The following VPS13D variants were observed in gnomAD, a reference collection of about 807,000 sequenced individuals.
VPS13D encodes the protein vacuolar protein sorting 13 homolog D, also known as intermembrane lipid transfer protein VPS13D.
A neutral mutation model predicts 461.9 loss-of-function variants in VPS13D; 187 were observed. The observed-to-expected ratio is 0.40, with a 90% CI of 0.36 to 0.46. The LOEUF (loss-of-function observed/expected upper bound fraction) is 0.46. Among genes scored for constraint, VPS13D ranks in the 20% least tolerant of loss-of-function variants. VPS13D has a pLI of 0.60. For missense variants in VPS13D, 4,711 were observed against 5,364.9 expected (o/e 0.88, Z 3.81); for synonymous variants, 1,951 against 1,986.3 (o/e 0.98, Z 0.47).
intron 25 of VPS13D, among the ~76,000 whole-genome samples, chr1:12,303,024 A>G (rs1200385555): frequency 6.6e-6 from 1 of 152,200 alleles, no homozygotes; most frequent in Non-Finnish European, 1.5e-5. Flanking sequence ...TCACCTCCCC[A>G]TGCATACAGT....
Position 12,363,250 on chromosome 1 carries a change from A to G in VPS13D, c.10448+3A>G. 2 of 1,614,036 alleles carry G rather than the reference A, an allele frequency of 1.2e-6. No homozygotes were observed. The highest frequency in any genetic ancestry group is 1.7e-6 in the Non-Finnish European group (2 of 1,179,942). On this transcript the variant is annotated splice_donor_region_variant and intron_variant, in intron 52 of 69. Transcript: ENST00000620676. Reference sequence around the variant, plus strand: ...AATTCCTTCCATATCAACATGAGGTAAGTTTGAGACTCTAAATATAGACAA... The same window carrying G: ...AATTCCTTCCATATCAACATGAGGTGAGTTTGAGACTCTAAATATAGACAA...
In VPS13D at chr1:12,506,794, C is replaced by A; in HGVS notation, c.12795-59C>A. 2.5e-6 allele frequency: 4 copies of A among 1,581,450 alleles called. No individual in the cohort carries two copies. In the Admixed American group the frequency reaches 6.9e-5, roughly 27 times the overall value. ...GGGCCACAGAGCCCGCAGTGGGCCTCCCCCTGATGCTGGGCGAAGCCCCAG... is the reference window on the plus strand; with the variant it reads ...GGGCCACAGAGCCCGCAGTGGGCCTACCCCTGATGCTGGGCGAAGCCCCAG... On this transcript the variant is annotated intron_variant, in intron 68 of 69. Coordinates refer to ENST00000620676, the MANE Select transcript of VPS13D (RefSeq NM_015378.4).
intron 67 of VPS13D, among the ~76,000 whole-genome samples, chr1:12,486,590 C>A (rs973420214): frequency 6.6e-6 from 1 of 152,210 alleles, no homozygotes. Flanking sequence ...GGCAGCTCTC[C>A]AGTTGCCCTC....
rs779600382 is a variant in VPS13D at position 12,400,176 on chromosome 1, C to T, written c.11635-5C>T. The T allele has an allele frequency of 2.0e-5, 32 of 1,613,322 alleles. No homozygotes were observed. Among genetic ancestry groups the T allele is most frequent in the Non-Finnish European group, 2.5e-5 (30 of 1,179,830 alleles). On this transcript the variant is annotated splice_region_variant and splice_polypyrimidine_tract_variant and intron_variant, in intron 60 of 69. Transcript: ENST00000620676. ...TTTTGCTTTGCTACCTTTCCATGGC[C>T]GTAGGTGGACAATCAGCTCATTGGT...
chr1:12,245,355 T>G (rs1364029380), intron 5 of VPS13D, among the ~76,000 whole-genome samples: 2 of 152,228 alleles, frequency 1.3e-5, no homozygotes, highest in Non-Finnish European at 2.9e-5. Context: ...GGTTTTTGAT[T>G]TCGTAACTTT....
At chr1:12,464,724 G>C (rs1343672496) in intron 67 of VPS13D, among the ~76,000 whole-genome samples, 2 of 152,188 alleles carry the variant, frequency 1.3e-5, no homozygotes, top group African/African-American at 4.8e-5. Flanking sequence ...GGTGGGGAGA[G>C]AAGAGGGCGG....
At position 12,386,070 on chromosome 1, in the gene VPS13D, TC is replaced by T. The variant is rs1326685642; in HGVS notation, c.11485-114del. On this transcript the variant is annotated intron_variant, in intron 59 of 69. Coordinates refer to ENST00000620676, the MANE Select transcript of VPS13D (RefSeq NM_015378.4). Reference sequence around the variant, plus strand: ...ATAGGACTCCCCTAAGTGGTTTTCATCTGCTGAGAGATCGGGAGTAGAGGAA... The same window carrying T: ...ATAGGACTCCCCTAAGTGGTTTTCATTGCTGAGAGATCGGGAGTAGAGGAA... 4.7e-6 allele frequency: 6 copies of T among 1,272,002 alleles called. No individual in the cohort carries two copies. The African/African-American group carries it at 7.7e-5, about 16-fold the overall frequency. 78.8% of individuals were successfully genotyped at this position (1,272,002 alleles called of 1,614,324 possible).
At chr1:12,289,545 C>A (rs1642064755) in intron 22 of VPS13D, among the ~76,000 whole-genome samples, 2 of 149,818 alleles carry the variant, frequency 1.3e-5, no homozygotes, top group Non-Finnish European at 1.5e-5. Flanking sequence ...TTTAGAAAAG[C>A]TTCTTAGAGG....
intron 65 of VPS13D, among the ~76,000 whole-genome samples, chr1:12,430,738 G>A (rs1343996319): frequency 1.3e-5 from 2 of 152,216 alleles, no homozygotes; most frequent in African/African-American, 4.8e-5. Context: ...GCTTCCAAGA[G>A]GGCCTTGCTT....
At chr1:12,290,856 G>T in intron 22 of VPS13D, 142 bp from the exon 23 acceptor site, 1 of 660,934 alleles carries the variant, frequency 1.5e-6, no homozygotes, top group Non-Finnish European at 2.3e-6. Flanking sequence ...GGGGTATATT[G>T]GAATATGAAA....
chr1:12,231,974 G>A (rs1287438811), intron 1 of VPS13D, among the ~76,000 whole-genome samples: 1 of 152,154 alleles, frequency 6.6e-6, no homozygotes, highest in African/African-American at 2.4e-5. Flanking sequence ...CAGCCTGGGC[G>A]AGGGAGCAAC....
At chr1:12,470,421 C>G (rs1385922064) in intron 67 of VPS13D, among the ~76,000 whole-genome samples, 2 of 152,214 alleles carry the variant, frequency 1.3e-5, no homozygotes, top group Non-Finnish European at 2.9e-5. Context: ...AAGTGCTTTT[C>G]TATCCTTTAG....
chr1:12,352,965 C>CAAAAAAA (rs61588046), intron 46 of VPS13D, among the ~76,000 whole-genome samples: 297 of 17,596 alleles, frequency 0.017, 71 homozygotes, highest in Non-Finnish European at 0.02. Context: ...AACTCAGTCT[C>CAAAAAAA]AAAAAAAAAA....
At chr1:12,380,125 T>C (rs1426248988) in intron 57 of VPS13D, among the ~76,000 whole-genome samples, 2 of 152,218 alleles carry the variant, frequency 1.3e-5, no homozygotes. Context: ...GCAATACATG[T>C]GTTAAGAGTG....
intron 67 of VPS13D, among the ~76,000 whole-genome samples, chr1:12,466,475 CTG>C (rs1645484417): frequency 6.6e-6 from 1 of 152,174 alleles, no homozygotes; most frequent in Non-Finnish European, 1.5e-5. Context: ...TTCCTTAAAA[CTG>C]TAAATGGGTT....
chr1:12,498,010 C>T (rs1007287507), intron 68 of VPS13D, among the ~76,000 whole-genome samples: 1 of 152,110 alleles, frequency 6.6e-6, no homozygotes. Context: ...CAAAACAAAA[C>T]AGAAAAACAA....
At chr1:12,331,423 A>G (rs1482047947) in intron 37 of VPS13D, among the ~76,000 whole-genome samples, 1 of 151,992 alleles carries the variant, frequency 6.6e-6, no homozygotes, top group Non-Finnish European at 1.5e-5. Context: ...TTATTTCTTC[A>G]TTGTTCAAAA....
chr1:12,262,030 A>G lies in VPS13D; in HGVS notation c.1544A>G (p.Gln515Arg), dbSNP rs1641124755. ...RGTVTLLHKEQGTPQMNESAF... is the reference protein window; with the variant it reads ...RGTVTLLHKERGTPQMNESAF... ...ACAGTGACTCTGTTACACAAGGAGC[A>G]AGGAACTCCTCAAATGAATGAAAGT... The change falls in exon 13 of 70, where the codon CAA (glutamine) becomes CGA (arginine). Residue 515 changes from glutamine (Q) to arginine (R), a missense_variant. Gln to Arg is a conservative substitution (Grantham distance 43). Coordinates refer to ENST00000620676, the MANE Select transcript of VPS13D (RefSeq NM_015378.4). 6.2e-7 allele frequency: 1 copy of G among 1,614,072 alleles called. No homozygotes were observed. The highest frequency in any genetic ancestry group is 8.5e-7 in the Non-Finnish European group (1 of 1,179,978).
intron 68 of VPS13D, among the ~76,000 whole-genome samples, chr1:12,503,050 C>T (rs371884983): frequency 4.5e-4 from 69 of 152,226 alleles, no homozygotes; most frequent in East Asian, 1.7e-3. Flanking sequence ...CTTGGGAGGA[C>T]GTTGTGACCT....
Sources: gnomAD v4.1 joint callset for allele counts (sites outside exome capture counted in the v4.1 genomes callset) on GRCh38, gnomAD v4.1.1 for gene constraint, MANE v1.5 for transcripts, NCBI Gene and HGNC (gene_info 2026-07-23, HGNC 2026-07-21) for gene names.